The following PBX3 variants were observed in gnomAD, a reference collection of about 807,000 sequenced individuals.
PBX3 encodes pre-B-cell leukemia transcription factor 3.
PBX3 carries 14 observed loss-of-function variants against 48.5 expected under a neutral mutation model. The observed-to-expected ratio is 0.29, with a 90% CI of 0.19 to 0.45. The LOEUF is 0.45. Among genes scored for constraint, PBX3 ranks in the 20% least tolerant of loss-of-function variants. PBX3 has a pLI of 1.00. For missense variants in PBX3, 386 were observed against 546.7 expected, an observed-to-expected ratio of 0.71 and a Z score of 2.93; for synonymous variants, 210 against 200.3, an observed-to-expected ratio of 1.05 and a Z score of -0.41.
chr9:125,817,866 CACCAG>C (rs1471414640), intron 2 of PBX3, among the ~76,000 whole-genome samples: 1 of 152,144 alleles, frequency 6.6e-6, no homozygotes, highest in Non-Finnish European at 1.5e-5. Flanking sequence ...GTATAGCGTG[CACCAG>C]CTGTAGATGA....
At chr9:125,782,452 T>C (rs1043884611) in intron 2 of PBX3, among the ~76,000 whole-genome samples, 1 of 152,226 alleles carries the variant, frequency 6.6e-6, no homozygotes, top group African/African-American at 2.4e-5. Flanking sequence ...ATAAAAACTC[T>C]ACTCCTTTAC....
intron 1 of PBX3, chr9:125,748,175 C>T: frequency 2.5e-5 from 23 of 931,060 alleles, no homozygotes; most frequent in Non-Finnish European, 3.0e-5. Flanking sequence ...GTCACCCTCC[C>T]GCTGGCCGCA....
chr9:125,825,884 T>C (rs145140763), intron 2 of PBX3, among the ~76,000 whole-genome samples: 273 of 152,362 alleles, frequency 1.8e-3, no homozygotes, highest in Admixed American at 3.6e-3. Flanking sequence ...CCAAGTTTAA[T>C]GTAGTAGCTT....
chr9:125,900,519 A>G (rs1392174947), intron 2 of PBX3, among the ~76,000 whole-genome samples: 2 of 151,642 alleles, frequency 1.3e-5, no homozygotes, highest in African/African-American at 4.8e-5. Context: ...CAGGCTTCCT[A>G]TATAACCCAG....
chr9:125,788,686 A>G (rs1029672600), intron 2 of PBX3, among the ~76,000 whole-genome samples: 1 of 152,108 alleles, frequency 6.6e-6, no homozygotes, highest in Non-Finnish European at 1.5e-5. Flanking sequence ...CAGCCTGGGT[A>G]ACACAGTGAA....
intron 2 of PBX3, among the ~76,000 whole-genome samples, chr9:125,756,298 G>T (rs952333373): frequency 6.6e-6 from 1 of 152,096 alleles, no homozygotes; most frequent in African/African-American, 2.4e-5. Flanking sequence ...CCTAAGCTAG[G>T]CCTCTGAATT....
chr9:125,925,236 T>G (rs1306785586), intron 3 of PBX3, among the ~76,000 whole-genome samples: 1 of 152,202 alleles, frequency 6.6e-6, no homozygotes, highest in Admixed American at 6.5e-5. Flanking sequence ...GCATAGCGTT[T>G]CCCGAAGAGT....
At chr9:125,879,841 G>C (rs1472918402) in intron 2 of PBX3, among the ~76,000 whole-genome samples, 7 of 152,048 alleles carry the variant, frequency 4.6e-5, no homozygotes, top group African/African-American at 1.7e-4. Flanking sequence ...TTGGAAGATA[G>C]AGTTTTTCTG....
chr9:125,950,670 C>G (rs374753983), intron 5 of PBX3, among the ~76,000 whole-genome samples: 1 of 151,896 alleles, frequency 6.6e-6, no homozygotes, highest in African/African-American at 2.4e-5. Flanking sequence ...TTAGTAGAGA[C>G]GGGGTTTCAC....
Position 125,747,739 on chromosome 9 carries a change from C to T in PBX3, c.200+86C>T, listed in dbSNP as rs536009029. ...TCGAGGCCCGGGGTGGCGCCCGGGGCTAGGGCCGCAGCCCCCGGCGGGGAA... is the reference window on the plus strand; with the variant it reads ...TCGAGGCCCGGGGTGGCGCCCGGGGTTAGGGCCGCAGCCCCCGGCGGGGAA... On this transcript the variant is annotated intron_variant, in intron 1 of 8. Transcript: ENST00000373489. The T allele has an allele frequency of 3.0e-4, 312 of 1,038,802 alleles. 1 individual carries two copies. In the African/African-American group the frequency reaches 4.5e-3, roughly 15 times the overall value. 64.3% of individuals were successfully genotyped at this position (1,038,802 alleles called of 1,614,324 possible). A position where few individuals can be genotyped will look rare whatever the true frequency, so the allele number is the denominator to read the frequency against.
intron 2 of PBX3, among the ~76,000 whole-genome samples, chr9:125,862,375 T>C (rs1185864226): frequency 6.6e-6 from 1 of 152,004 alleles, no homozygotes; most frequent in Non-Finnish European, 1.5e-5. Flanking sequence ...TGGAAGAAAA[T>C]TAATAGTGGA....
intron 2 of PBX3, among the ~76,000 whole-genome samples, chr9:125,810,179 C>T (rs1321395056): frequency 6.6e-6 from 1 of 152,162 alleles, no homozygotes; most frequent in Non-Finnish European, 1.5e-5. Context: ...GTCACCCCTC[C>T]CTACTCTTTT....
intron 2 of PBX3, among the ~76,000 whole-genome samples, chr9:125,853,701 T>A (rs541753405): frequency 6.6e-6 from 1 of 152,318 alleles, no homozygotes; most frequent in South Asian, 2.1e-4. Context: ...GGTGAAAGGG[T>A]TAAGTTTCCT....
intron 2 of PBX3, among the ~76,000 whole-genome samples, chr9:125,780,973 A>C (rs1438884703): frequency 1.8e-5 from 2 of 109,766 alleles, no homozygotes; most frequent in African/African-American, 4.0e-5. Flanking sequence ...GCGGCCGGGC[A>C]GAGGCGCTCC....
intron 2 of PBX3, among the ~76,000 whole-genome samples, chr9:125,915,159 A>T (rs1294789000): frequency 6.6e-6 from 1 of 152,188 alleles, no homozygotes; most frequent in Non-Finnish European, 1.5e-5. Flanking sequence ...AAATCACACG[A>T]TGGAAAAGCT....
At position 125,771,363 on chromosome 9, in the gene PBX3, C is replaced by G. The variant is rs147362122; in HGVS notation, c.274+22740C>G. On this transcript the variant is annotated intron_variant, in intron 2 of 8. Coordinates refer to ENST00000373489, the MANE Select transcript of PBX3 (RefSeq NM_006195.6). ...ATTATAGGCAGATTTTTTATTCTGT[C>G]CAAAGGGAGAAGTTTCAATGGTTAT... Among the ~76,000 whole-genome samples, 326 of 152,126 alleles carry G rather than the reference C, an allele frequency of 2.1e-3. 5 individuals carry two copies. The East Asian group carries it at 0.051, about 24-fold the overall frequency.
intron 2 of PBX3, among the ~76,000 whole-genome samples, chr9:125,848,160 A>G (rs900943847): frequency 6.6e-6 from 1 of 152,016 alleles, no homozygotes; most frequent in Non-Finnish European, 1.5e-5. Flanking sequence ...TTAGAGAACA[A>G]ATCTCTAGTT....
At chr9:125,795,099 C>A (rs962569798) in intron 2 of PBX3, among the ~76,000 whole-genome samples, 2 of 152,230 alleles carry the variant, frequency 1.3e-5, no homozygotes, top group Non-Finnish European at 2.9e-5. Flanking sequence ...ATATCCCTTA[C>A]ATGTACAGGC....
chr9:125,907,249 C>T lies in PBX3; in HGVS notation c.275-8437C>T, dbSNP rs141429761. Among the ~76,000 whole-genome samples the T allele has an allele frequency of 4.6e-4, 70 of 151,974 alleles. 3 individuals are homozygous for T. The East Asian group carries it at 0.011, about 24-fold the overall frequency. Reference sequence around the variant, plus strand: ...ATGTTGCAAAATAATGTCAACACAACGTATGGTAAATAAATTTTGATATAT... The same window carrying T: ...ATGTTGCAAAATAATGTCAACACAATGTATGGTAAATAAATTTTGATATAT... On this transcript the variant is annotated intron_variant, in intron 2 of 8. Transcript: ENST00000373489.
Sources: gnomAD v4.1 joint callset for allele counts (sites outside exome capture counted in the v4.1 genomes callset) on GRCh38, gnomAD v4.1.1 for gene constraint, MANE v1.5 for transcripts, NCBI Gene and HGNC (gene_info 2026-07-23, HGNC 2026-07-21) for gene names.